MDC1: variants seen among roughly 807,000 people sequenced by gnomAD.
MDC1 encodes the protein mediator of DNA damage checkpoint 1.
A neutral mutation model predicts 142.5 loss-of-function variants in MDC1; 81 were observed. The observed-to-expected ratio is 0.57, with a 90% CI of 0.47 to 0.68. The LOEUF (loss-of-function observed/expected upper bound fraction) is 0.68, where lower values mean the gene tolerates loss of function less well. MDC1 is among the 30% of genes least tolerant of loss of function. The probability of loss-of-function intolerance (pLI) is 0.00; values close to 1 mark genes in which losing one functional copy is unlikely to be tolerated. For synonymous variants in MDC1, 797 were observed against 968.4 expected, an observed-to-expected ratio of 0.82 and a Z score of 3.29; for missense variants, 2,119 against 2,547.9, an observed-to-expected ratio of 0.83 and a Z score of 3.62.
chr6:30,702,401 C>T, intron 14 of MDC1, 152 bp downstream of exon 14: 1 of 539,276 alleles, frequency 1.9e-6, no homozygotes, highest in Admixed American at 3.6e-5. Flanking sequence ...TCATTCCTAT[C>T]CCTTTCTATA....
rs767273130 is a variant in MDC1, at chr6:30,704,531, G to A, written c.4652C>T (p.Pro1551Leu). 1.2e-6 allele frequency: 2 copies of A among 1,610,164 alleles called. No homozygotes were observed. The highest frequency in any genetic ancestry group is 2.7e-5 in the African/African-American group (2 of 74,422). The change falls in exon 10 of 15, where the codon CCC becomes CTC. Residue 1551 changes from proline to leucine, a missense_variant. Transcript: ENST00000376406. ...CCTGCCCCTAGTGGCCCGAGATGTGGGCTCAGGGGTGACAGGTTGGTCTGT... is the reference window on the plus strand; with the variant it reads ...CCTGCCCCTAGTGGCCCGAGATGTGAGCTCAGGGGTGACAGGTTGGTCTGT... ...TSTDQPVTPE[P>L]TSRATRGRTN...
rs968156735 is a variant in MDC1 at position 30,716,839 on chromosome 6, G to A, written c.-4+406C>T. 3 of 929,226 alleles carry A rather than the reference G, an allele frequency of 3.2e-6. No individual in the cohort carries two copies. The highest frequency in any genetic ancestry group is 1.2e-4 in the Admixed American group (2 of 16,196). 57.6% of individuals were successfully genotyped at this position (929,226 alleles called of 1,614,324 possible). On this transcript the variant is annotated intron_variant, in intron 1 of 14. Coordinates refer to ENST00000376406, the MANE Select transcript of MDC1 (RefSeq NM_014641.3). This position sits in a 1 kb window ranked among gnomAD's most constrained non-coding sequence, Gnocchi z 4.4. ...GCTCATCACCGAGCCTACTGATGAA[G>A]GAACAAATGAGATGGAAAGAAAATA...
chr6:30,714,993 A>G lies in MDC1; in HGVS notation c.136+47T>C. 4 of 1,601,454 alleles carry G rather than the reference A, an allele frequency of 2.5e-6. 1 individual carries two copies. In the South Asian group the frequency reaches 3.3e-5, roughly 13 times the overall value. On this transcript the variant is annotated intron_variant, in intron 2 of 14. Coordinates refer to ENST00000376406, the MANE Select transcript of MDC1 (RefSeq NM_014641.3). ...GCAACCCTCCAAATACCTTACCACA[A>G]AAATAAAAGATCTATATCAATACTT...
rs377084175 is a variant in MDC1, at chr6:30,701,198, C to T, written c.6103-566G>A. Among the ~76,000 whole-genome samples the T allele has an allele frequency of 2.7e-4, 41 of 151,872 alleles. 1 individual carries two copies. The South Asian group carries it at 6.4e-3, about 24-fold the overall frequency. ...TGGGTGGATCACGAGGTCAAGAGAT[C>T]GAGACCATCCTGGCCAACATGGTGA... On this transcript the variant is annotated intron_variant, in intron 14 of 14. Transcript: ENST00000376406.
chr6:30,710,398 T>A (rs1774661791), intron 7 of MDC1, among the ~76,000 whole-genome samples: 1 of 151,542 alleles, frequency 6.6e-6, no homozygotes, highest in Non-Finnish European at 1.5e-5. Flanking sequence ...CTACATTTTC[T>A]TTTCTTTCGT....
In MDC1 at chr6:30,713,693, A is replaced by G. The variant is rs1421664532; in HGVS notation, c.542T>C (p.Val181Ala). The G allele has an allele frequency of 3.1e-6, 5 of 1,614,130 alleles. No homozygotes were observed. The Admixed American group carries it at 8.3e-5, about 27-fold the overall frequency. ...GGAAGATGTGGTCCTTGATTTTTTT[A>G]CCATACGCCTTTCAGAAAGAAAATC... ...EVDFLSERRM[V>A]KKSRTTSSSV... is the part of the protein sequence containing the mutation. The change falls in exon 4 of 15, where the codon GTA becomes GCA. Residue 181 changes from valine to alanine, a missense_variant. By Grantham distance (64) the Val-to-Ala change is moderately conservative. Coordinates refer to ENST00000376406, the MANE Select transcript of MDC1 (RefSeq NM_014641.3). This position sits in a 1 kb window ranked among gnomAD's most constrained non-coding sequence, Gnocchi z 4.9.
chr6:30,702,275 AAAAAAAGAAAATC>A (rs1262950531), intron 14 of MDC1, among the ~76,000 whole-genome samples: 1 of 151,308 alleles, frequency 6.6e-6, no homozygotes, highest in African/African-American at 2.4e-5. Flanking sequence ...AAAAAAAAAA[AAAAAAAGAAAATC>A]AAAGGAAAAA....
At position 30,702,731 on chromosome 6, in the gene MDC1, G is replaced by C. The variant is rs558377335; in HGVS notation, c.5991+21C>G. On this transcript the variant is annotated intron_variant, in intron 13 of 14. Transcript: ENST00000376406. ...GCACTGGAGGGAGGGCTGAAGCACA[G>C]GTTAAAAGATAGCCTCTCACCTCTA... is the stretch of plus-strand genomic sequence containing the variant. 2.5e-4 allele frequency: 406 copies of C among 1,613,070 alleles called. 3 individuals carry two copies. The highest frequency in any genetic ancestry group is 6.8e-6 in the Non-Finnish European group (8 of 1,180,020).
intron 7 of MDC1, among the ~76,000 whole-genome samples, chr6:30,708,855 C>CAAAAAAAAAAAAAA (rs59939040): frequency 1.8e-5 from 1 of 55,234 alleles, no homozygotes; most frequent in Non-Finnish European, 4.0e-5. Context: ...GACTCTGTCT[C>CAAAAAAAAAAAAAA]AAAAAAAAAA....
At chr6:30,711,790 A>G in intron 5 of MDC1, 64 bp from the exon 6 acceptor site, 3 of 1,581,302 alleles carry the variant, frequency 1.9e-6, no homozygotes, top group Non-Finnish European at 2.6e-6. Context: ...AACTCCTTAA[A>G]TAATCTCTAC....
chr6:30,715,243 C>A lies in MDC1; in HGVS notation c.-3-65G>T. The A allele has an allele frequency of 1.3e-6, 2 of 1,581,010 alleles. No individual in the cohort carries two copies. The highest frequency in any genetic ancestry group is 1.1e-5 in the South Asian group (1 of 90,146). The stretch of plus-strand genomic sequence containing the variant: ...TTCACACAAACAGCATCAGAGTTAT[C>A]AGACTGAAAACTAGGGGGTAAACTG... On this transcript the variant is annotated intron_variant, in intron 1 of 14. Coordinates refer to ENST00000376406, the MANE Select transcript of MDC1 (RefSeq NM_014641.3). The surrounding 1 kb of genome is among the most constrained non-coding windows in gnomAD (Gnocchi z 4.1).
chr6:30,702,256 CAAAAAAAAAAAAA>C (rs57764077), intron 14 of MDC1, among the ~76,000 whole-genome samples: 1 of 59,142 alleles, frequency 1.7e-5, no homozygotes, highest in African/African-American at 8.4e-5. Flanking sequence ...GACTCCATCT[CAAAAAAAAAAAAA>C]AAAAAAAAAA....
At chr6:30,710,001 C>T (rs1288801695) in intron 7 of MDC1, among the ~76,000 whole-genome samples, 1 of 151,964 alleles carries the variant, frequency 6.6e-6, no homozygotes, top group South Asian at 2.1e-4. Context: ...ATCTTAGCCT[C>T]CCGAGTAGCT....
At position 30,712,744 on chromosome 6, in the gene MDC1, T is replaced by C; in HGVS notation, c.1198A>G (p.Ile400Val). ...TCCTCGTCATCTGTATCGCTGTTGA[T>C]AACCATGGAAGCTTGGCTTTTCTCC... The part of the protein sequence containing the change: ...PLEKSQASMV[I>V]NSDTDDEEEV... Residue 400 changes from isoleucine to valine, a missense_variant, in exon 5 of 15, where the codon ATC becomes GTC. Transcript: ENST00000376406. This position sits in a 1 kb window ranked among gnomAD's most constrained non-coding sequence, Gnocchi z 4.7. The C allele has an allele frequency of 6.2e-7, 1 of 1,613,110 alleles. No individual in the cohort carries two copies. Among genetic ancestry groups the C allele is most frequent in the Non-Finnish European group, 8.5e-7 (1 of 1,180,034 alleles).
rs1246392253 is a variant in MDC1, at chr6:30,711,940, C to T, written c.2002G>A (p.Val668Ile). Residue 668 changes from valine (V) to isoleucine (I), a missense_variant, in exon 5 of 15, where the codon GTC becomes ATC. Val to Ile is a conservative substitution (Grantham distance 29). Coordinates refer to ENST00000376406, the MANE Select transcript of MDC1 (RefSeq NM_014641.3). ...STQPQREGAQ[V>I]PTGREREQHV... ...TGTTCTCTCTCCCTTCCTGTGGGGA[C>T]CTGGGCTCCCTCTCTCTGTGGCTGG... 1.9e-6 allele frequency: 3 copies of T among 1,555,582 alleles called. No homozygotes were observed. Among genetic ancestry groups the T allele is most frequent in the Non-Finnish European group, 8.7e-7 (1 of 1,153,826 alleles).
rs1213366921 is a variant in MDC1 at position 30,700,578 on chromosome 6, G to C, written c.6157C>G (p.Leu2053Val). 2 of 1,612,892 alleles carry C rather than the reference G, an allele frequency of 1.2e-6. No homozygotes were observed. Among genetic ancestry groups the C allele is most frequent in the African/African-American group, 2.7e-5 (2 of 74,896 alleles). Residue 2053 changes from leucine (L) to valine (V), a missense_variant, in exon 15 of 15, where the codon CTA becomes GTA. Transcript: ENST00000376406. ...GAGAGGAGGGGCAGCCCAACCCGTA[G>C]TGGAATGGAGCAATGAGGGAAGTCC... is the stretch of plus-strand genomic sequence containing the variant. ...PQDFPHCSIPLRVGLPLLSPE... is the reference protein window; with the variant it reads ...PQDFPHCSIPVRVGLPLLSPE...
chr6:30,706,620 TAAA>T (rs9278748), intron 9 of MDC1, among the ~76,000 whole-genome samples: 12 of 42,804 alleles, frequency 2.8e-4, no homozygotes, highest in South Asian at 1.2e-3. Flanking sequence ...AGACTCTGTC[TAAA>T]AAAAAAAAAA....
Position 30,716,926 on chromosome 6 carries a change from A to C in MDC1, c.-4+319T>G. ...GAGGGAAACTGTTGACAGGTAGGGAAAGTAGGATGCCCCATGGATAAAGTG... is the reference window on the plus strand; with the variant it reads ...GAGGGAAACTGTTGACAGGTAGGGACAGTAGGATGCCCCATGGATAAAGTG... On this transcript the variant is annotated intron_variant, in intron 1 of 14. Transcript: ENST00000376406. The surrounding 1 kb of genome is among the most constrained non-coding windows in gnomAD (Gnocchi z 4.4). 1 of 984,962 alleles carries C rather than the reference A, an allele frequency of 1.0e-6. No individual in the cohort carries two copies. Among genetic ancestry groups the C allele is most frequent in the Non-Finnish European group, 1.2e-6 (1 of 829,516 alleles). The allele number at this position is 984,962 out of a possible 1,614,324, so 61.0% of individuals were successfully genotyped here.
intron 2 of MDC1, among the ~76,000 whole-genome samples, chr6:30,714,688 A>T (rs996888116): frequency 1.3e-5 from 2 of 151,864 alleles, no homozygotes; most frequent in Non-Finnish European, 2.9e-5. Context: ...GCTAATTTTT[A>T]AATTTTTCGT....
Sources: allele counts gnomAD v4.1 joint callset (sites outside exome capture counted in the v4.1 genomes callset), GRCh38; gene constraint gnomAD v4.1.1; non-coding constraint Gnocchi (gnomAD v3.1); transcripts MANE v1.5; gene names NCBI Gene and HGNC (gene_info 2026-07-23, HGNC 2026-07-21).